Variants in ZNF224 observed in about 807,000 individuals in gnomAD.
The protein encoded by ZNF224 is bone marrow zinc finger 2.
In ZNF224, 8 loss-of-function variants were observed where a neutral mutation model predicts 10.5. That is an observed-to-expected ratio of 0.76 (90% CI 0.45 to 1.37). ZNF224 has a LOEUF of 1.37. ZNF224 is among the 40% of genes most tolerant of loss of function. ZNF224 has a pLI of 0.00. For missense variants in ZNF224, 754 were observed against 854.0 expected, an observed-to-expected ratio of 0.88 and a Z score of 1.46; for synonymous variants, 282 against 287.8, an observed-to-expected ratio of 0.98 and a Z score of 0.20.
At position 44,107,041 on chromosome 19, in the gene ZNF224, G is replaced by A; in HGVS notation, c.881G>A (p.Gly294Asp). 5 of 1,603,470 alleles carry A rather than the reference G, an allele frequency of 3.1e-6. No homozygotes were observed. The highest frequency in any genetic ancestry group is 4.3e-6 in the Non-Finnish European group (5 of 1,174,118). Residue 294 changes from glycine (G) to aspartate (D), a missense_variant, in exon 6 of 6, where the codon GGT becomes GAT. Coordinates refer to ENST00000693561, the MANE Select transcript of ZNF224 (RefSeq NM_001321645.3). ...GEKPFKCDIC[G>D]KSFCGRSRLN... ...AAGCCATTCAAATGTGATATATGTG[G>A]TAAGAGCTTCTGTGGTAGATCAAGA...
intron 5 of ZNF224, 23 bp downstream of exon 5, chr19:44,101,248 T>A (rs1568529894): frequency 6.2e-7 from 1 of 1,604,596 alleles, no homozygotes; most frequent in Admixed American, 1.7e-5. Context: ...CAACTGTGAA[T>A]CCCTGTATGT....
chr19:44,101,146 C>A lies in ZNF224; in HGVS notation c.156C>A (p.Phe52Leu), dbSNP rs1967542098. 6.2e-7 allele frequency: 1 copy of A among 1,614,074 alleles called. No homozygotes were observed. Among genetic ancestry groups the A allele is most frequent in the Non-Finnish European group, 8.5e-7 (1 of 1,180,000 alleles). The change falls in exon 5 of 6, where the codon TTC becomes TTA. Residue 52 changes from phenylalanine (F) to leucine (L), a missense_variant. Transcript: ENST00000693561. The stretch of plus-strand genomic sequence containing the variant: ...GCCTGTTTGCAGGACATCAAGCATT[C>A]CACAGGGATACTTTCCACTTCCTAA... ...RNLLSVGHQA[F>L]HRDTFHFLRE...
intron 3 of ZNF224, among the ~76,000 whole-genome samples, chr19:44,100,554 A>G (rs1428886030): frequency 6.6e-6 from 1 of 152,202 alleles, no homozygotes; most frequent in South Asian, 2.1e-4. Flanking sequence ...GGTTACTTAC[A>G]AGAAGACTCA....
Position 44,106,909 on chromosome 19 carries a change from A to G in ZNF224, c.749A>G (p.His250Arg). The G allele has an allele frequency of 6.2e-7, 1 of 1,609,316 alleles. No homozygotes were observed. The highest frequency in any genetic ancestry group is 8.5e-7 in the Non-Finnish European group (1 of 1,176,760). The part of the protein sequence containing the change: ...GFSRRSALNV[H>R]HKLHTGEKPY... ...AGTCGTAGATCAGCACTTAATGTTC[A>G]TCATAAATTACACACAGGAGAGAAA... Residue 250 changes from histidine (H) to arginine (R), a missense_variant, in exon 6 of 6, where the codon CAT (histidine) becomes CGT (arginine). Transcript: ENST00000693561.
rs1258804454 is a variant in ZNF224, at chr19:44,108,116, C to T, written c.1956C>T (p.Tyr652=). Residue 652 remains tyrosine (Y), a synonymous_variant, in exon 6 of 6, where the codon TAC becomes TAT. Coordinates refer to ENST00000693561, the MANE Select transcript of ZNF224 (RefSeq NM_001321645.3). ...AAGTTCACAGTGTAGAAAAGCCATA[C>T]AAATGTGAGGACTGTGGGAAGGGCT... ...QEKVHSVEKP[Y]KCEDCGKGYN... The T allele has an allele frequency of 6.2e-7, 1 of 1,614,156 alleles. No individual in the cohort carries two copies. The highest frequency in any genetic ancestry group is 1.1e-5 in the South Asian group (1 of 91,086).
chr19:44,106,917 TTA>T lies in ZNF224; in HGVS notation c.758_759del (p.Leu253SerfsTer8), dbSNP rs1257983728. 1.9e-6 allele frequency: 3 copies of T among 1,608,172 alleles called. No homozygotes were observed. In the South Asian group the frequency reaches 3.3e-5, roughly 18 times the overall value. On this transcript the variant is annotated frameshift_variant, in exon 6 of 6. Coordinates refer to ENST00000693561, the MANE Select transcript of ZNF224 (RefSeq NM_001321645.3). LOFTEE classifies it low-confidence loss of function (END_TRUNC). ...RRSALNVHHKLHTGEKPYNCE... is the reference protein window; with the variant it reads ...RRSALNVHHKXHTGEKPYNCE... ...ATCAGCACTTAATGTTCATCATAAA[TTA>T]CACACAGGAGAGAAACCTTATAATT... is the stretch of plus-strand genomic sequence containing the variant.
At chr19:44,100,548 A>G (rs1967526078) in intron 3 of ZNF224, among the ~76,000 whole-genome samples, 1 of 152,204 alleles carries the variant, frequency 6.6e-6, no homozygotes, top group South Asian at 2.1e-4. Context: ...CTAGAGGGTT[A>G]CTTACAAGAA....
intron 5 of ZNF224, among the ~76,000 whole-genome samples, chr19:44,103,245 A>AAGT (rs1304204819): frequency 6.6e-6 from 1 of 152,192 alleles, no homozygotes; most frequent in Non-Finnish European, 1.5e-5. Flanking sequence ...AAAACCTCTT[A>AAGT]AGTAACAGTG....
rs1417687848 is a variant in ZNF224, at chr19:44,109,514, A to G, written c.*1230A>G. The G allele has an allele frequency of 6.6e-6, 1 of 152,176 alleles. No homozygotes were observed. The highest frequency in any genetic ancestry group is 2.4e-5 in the African/African-American group (1 of 41,452). The allele number at this position is 152,176 out of a possible 1,614,324, so 9.4% of individuals were successfully genotyped here. A position where few individuals can be genotyped will look rare whatever the true frequency, so the allele number is the denominator to read the frequency against. The stretch of plus-strand genomic sequence containing the variant: ...CCTCCTCTTTATTGCTGGCAGTAAA[A>G]ATATGTCTTTTGGAGAGCAGAACAT... On this transcript the variant is annotated 3_prime_UTR_variant, in exon 6 of 6. Transcript: ENST00000693561.
chr19:44,097,295 A>T (rs1002257518), intron 2 of ZNF224, among the ~76,000 whole-genome samples: 1 of 152,224 alleles, frequency 6.6e-6, no homozygotes. Flanking sequence ...ACTTACTTAT[A>T]TCAGGTGTAC....
intron 3 of ZNF224, among the ~76,000 whole-genome samples, chr19:44,100,218 G>A (rs922321122): frequency 6.6e-6 from 1 of 152,198 alleles, no homozygotes; most frequent in African/African-American, 2.4e-5. Flanking sequence ...ACATGACTGG[G>A]AAGGGACAGA....
rs775430509 is a variant in ZNF224 at position 44,108,728 on chromosome 19, G to A, written c.*444G>A. 6 of 516,444 alleles carry A rather than the reference G, an allele frequency of 1.2e-5. No individual in the cohort carries two copies. Among genetic ancestry groups the A allele is most frequent in the Non-Finnish European group, 3.8e-6 (1 of 259,854 alleles). 32.0% of individuals were successfully genotyped at this position (516,444 alleles called of 1,614,324 possible). On this transcript the variant is annotated 3_prime_UTR_variant, in exon 6 of 6. Transcript: ENST00000693561. Reference sequence around the variant, plus strand: ...GCTAAGTCGTCACAGCCTTAACATTGATTAGCACTTTGTATGTGTTCAGTA... The same window carrying A: ...GCTAAGTCGTCACAGCCTTAACATTAATTAGCACTTTGTATGTGTTCAGTA...
chr19:44,101,437 T>C (rs1967548421), intron 5 of ZNF224, among the ~76,000 whole-genome samples: 1 of 152,242 alleles, frequency 6.6e-6, no homozygotes, highest in Admixed American at 6.5e-5. Flanking sequence ...GTAAGTCAGA[T>C]TGCCATTCCT....
chr19:44,103,917 C>T (rs969360484), intron 5 of ZNF224, among the ~76,000 whole-genome samples: 31 of 152,196 alleles, frequency 2.0e-4, no homozygotes, highest in Admixed American at 1.4e-3. Flanking sequence ...TCACCAACTC[C>T]TGGGCTCAAG....
chr19:44,095,886 G>A (rs1206505921), intron 1 of ZNF224: 1 of 144,110 alleles, frequency 6.9e-6, no homozygotes, highest in Non-Finnish European at 1.5e-5. Context: ...ATCTGCCATT[G>A]CACTCCAGTC....
At chr19:44,099,632 T>G (rs1169086860) in intron 3 of ZNF224, among the ~76,000 whole-genome samples, 1 of 152,230 alleles carries the variant, frequency 6.6e-6, no homozygotes, top group East Asian at 1.9e-4. Context: ...GAAGGAGGAT[T>G]GTTTGAAACC....
intron 3 of ZNF224, 75 bp from the exon 4 acceptor site, chr19:44,100,726 C>A: frequency 3.9e-6 from 6 of 1,536,498 alleles, no homozygotes; most frequent in Non-Finnish European, 5.3e-6. Context: ...CCCCTCCCCT[C>A]TGTCTGCTCA....
intron 5 of ZNF224, among the ~76,000 whole-genome samples, chr19:44,104,665 AT>A (rs72370521): frequency 0.8 from 117,196 of 146,780 alleles, 46,990 homozygotes; most frequent in Non-Finnish European, 0.87. Flanking sequence ...TGAGCCCTGT[AT>A]TTTTTTTTTT....
chr19:44,101,024 CT>C, intron 4 of ZNF224, 97 bp downstream of exon 4: 6 of 1,610,182 alleles, frequency 3.7e-6, no homozygotes, highest in Non-Finnish European at 3.4e-6. Context: ...TAACTTGAAC[CT>C]ATGGTTCAAG....
Sources: gnomAD v4.1 joint callset for allele counts (sites outside exome capture counted in the v4.1 genomes callset) on GRCh38, gnomAD v4.1.1 for gene constraint, MANE v1.5 for transcripts, NCBI Gene and HGNC (gene_info 2026-07-23, HGNC 2026-07-21) for gene names.